The following GRM5 variants were observed in gnomAD, a reference collection of about 807,000 sequenced individuals.
GRM5 encodes metabotropic glutamate receptor 5.
A neutral mutation model predicts 83.1 loss-of-function variants in GRM5; 19 were observed. That is an observed-to-expected ratio of 0.23 (90% CI 0.16 to 0.34). The LOEUF (loss-of-function observed/expected upper bound fraction) is 0.34, where lower values mean the gene tolerates loss of function less well. Ranked by LOEUF, GRM5 falls within the 10% of genes least tolerant of loss-of-function variation. The probability of loss-of-function intolerance (pLI) is 1.00; values close to 1 mark genes in which losing one functional copy is unlikely to be tolerated. For synonymous variants in GRM5, 675 were observed against 633.6 expected (o/e 1.07, Z -0.98); for missense variants, 1,160 against 1,588.3 (o/e 0.73, Z 4.58).
chr11:88,529,708 G>A (rs1941963350), intron 8 of GRM5, among the ~76,000 whole-genome samples: 4 of 151,946 alleles, frequency 2.6e-5, no homozygotes, highest in Admixed American at 2.6e-4. Flanking sequence ...TTATGCATGT[G>A]AGAGATGATA....
At chr11:88,607,465 C>T (rs889429173) in intron 4 of GRM5, among the ~76,000 whole-genome samples, 8 of 152,274 alleles carry the variant, frequency 5.3e-5, no homozygotes, top group African/African-American at 1.9e-4. Context: ...TGGTTGCCTG[C>T]TTTCTCCTTT....
chr11:88,527,093 T>C (rs1232772426), intron 8 of GRM5, among the ~76,000 whole-genome samples: 2 of 152,156 alleles, frequency 1.3e-5, no homozygotes, highest in Admixed American at 6.5e-5. Flanking sequence ...GAAGTACCAA[T>C]GGCCAAATGA....
intron 2 of GRM5, among the ~76,000 whole-genome samples, chr11:88,960,498 A>G (rs552394065): frequency 1.3e-5 from 2 of 152,340 alleles, no homozygotes; most frequent in African/African-American, 2.4e-5. Context: ...ATCCATTGCT[A>G]ACTAAAGTTG....
At chr11:88,789,356 GAAAAAAA>G (rs890088490) in intron 3 of GRM5, among the ~76,000 whole-genome samples, 1 of 145,482 alleles carries the variant, frequency 6.9e-6, no homozygotes, top group African/African-American at 2.5e-5. Context: ...TAAAAGCAAA[GAAAAAAA>G]AGAAAAAAGA....
intron 2 of GRM5, among the ~76,000 whole-genome samples, chr11:88,875,722 G>T (rs112187268): frequency 3.3e-5 from 5 of 152,016 alleles, no homozygotes; most frequent in African/African-American, 1.2e-4. Context: ...GTCTTAGCAG[G>T]CATGAAAACA....
chr11:88,726,056 T>C (rs897748407), intron 3 of GRM5, among the ~76,000 whole-genome samples: 6 of 152,022 alleles, frequency 3.9e-5, no homozygotes, highest in Non-Finnish European at 8.8e-5. Context: ...CTGACAGAAG[T>C]AGGCTTCAGA....
At chr11:88,910,148 T>C (rs1385424602) in intron 2 of GRM5, among the ~76,000 whole-genome samples, 5 of 152,100 alleles carry the variant, frequency 3.3e-5, no homozygotes, top group Non-Finnish European at 4.4e-5. Context: ...TCCAGATATT[T>C]CATATAATTG....
chr11:88,835,739 T>G (rs1049676601), intron 3 of GRM5, among the ~76,000 whole-genome samples: 11 of 152,358 alleles, frequency 7.2e-5, no homozygotes, highest in Middle Eastern at 3.4e-3. Flanking sequence ...TAAAAATAAC[T>G]GTATTAAAAA....
chr11:88,673,891 T>A (rs1242356877), intron 3 of GRM5, among the ~76,000 whole-genome samples: 2 of 4,212 alleles, frequency 4.7e-4, no homozygotes, highest in East Asian at 0.018. Context: ...GACACTATTT[T>A]GAAAAAAAAA....
intron 2 of GRM5, among the ~76,000 whole-genome samples, chr11:88,891,275 A>G (rs1033074049): frequency 2.6e-5 from 4 of 152,142 alleles, no homozygotes; most frequent in African/African-American, 9.7e-5. Flanking sequence ...GTAAAGGCTT[A>G]TGAAAGGTTT....
chr11:88,679,581 A>G lies in GRM5; in HGVS notation c.912-26178T>C, dbSNP rs147672773. Reference sequence around the variant, plus strand: ...GTCTATTTGGATTTTATTGCCTTGTATTACTAGAAAGTTGACTCAAAGTTA... The same window carrying G: ...GTCTATTTGGATTTTATTGCCTTGTGTTACTAGAAAGTTGACTCAAAGTTA... On this transcript the variant is annotated intron_variant, in intron 3 of 9. Coordinates refer to ENST00000305447, the MANE Select transcript of GRM5 (RefSeq NM_001143831.3). Among the ~76,000 whole-genome samples, 940 of 152,148 alleles carry G rather than the reference A, an allele frequency of 6.2e-3. 11 individuals carry two copies. Among genetic ancestry groups the G allele is most frequent in the African/African-American group, 0.022 (900 of 41,510 alleles).
chr11:88,788,046 T>C (rs1300665199), intron 3 of GRM5, among the ~76,000 whole-genome samples: 1 of 152,134 alleles, frequency 6.6e-6, no homozygotes, highest in African/African-American at 2.4e-5. Context: ...GTTTTATAAA[T>C]GTTGCCCTGA....
intron 4 of GRM5, among the ~76,000 whole-genome samples, chr11:88,643,919 A>T (rs1939368735): frequency 6.6e-6 from 1 of 152,188 alleles, no homozygotes; most frequent in African/African-American, 2.4e-5. Context: ...CCCACTTCAA[A>T]TACTAGTGAG....
At chr11:88,824,725 G>A (rs1040213192) in intron 3 of GRM5, among the ~76,000 whole-genome samples, 1 of 152,186 alleles carries the variant, frequency 6.6e-6, no homozygotes, top group Non-Finnish European at 1.5e-5. Flanking sequence ...ACTTCCTGCT[G>A]TGTTGCCTGG....
intron 3 of GRM5, among the ~76,000 whole-genome samples, chr11:88,757,169 C>T (rs150722404): frequency 7.2e-4 from 109 of 152,244 alleles, no homozygotes; most frequent in Middle Eastern, 3.4e-3. Flanking sequence ...AAAAACCGAT[C>T]TGTCAAATGA....
chr11:88,984,965 A>G (rs1939654891), intron 2 of GRM5: 3 of 570,310 alleles, frequency 5.3e-6, no homozygotes, highest in Non-Finnish European at 9.6e-6. Context: ...TTCTAATCAC[A>G]GTATTATGTG....
At chr11:88,840,282 G>C (rs572559788) in intron 3 of GRM5, among the ~76,000 whole-genome samples, 51 of 152,192 alleles carry the variant, frequency 3.4e-4, no homozygotes, top group Non-Finnish European at 6.0e-4. Flanking sequence ...TTGAATAACT[G>C]AAACCCTCCT....
At chr11:88,984,425 A>G (rs1264514061) in intron 2 of GRM5, among the ~76,000 whole-genome samples, 5 of 152,210 alleles carry the variant, frequency 3.3e-5, no homozygotes, top group Non-Finnish European at 7.4e-5. Context: ...CACATAGCAC[A>G]AGTGTAGCGT....
intron 1 of GRM5, among the ~76,000 whole-genome samples, chr11:89,060,266 GTATATA>G (rs71046276): frequency 1.9e-4 from 28 of 146,976 alleles, no homozygotes; most frequent in African/African-American, 6.8e-4. Context: ...ATGGTAAATG[GTATATA>G]TATATATATA....
Sources: gnomAD v4.1 joint callset for allele counts (sites outside exome capture counted in the v4.1 genomes callset) on GRCh38, gnomAD v4.1.1 for gene constraint, MANE v1.5 for transcripts, NCBI Gene and HGNC (gene_info 2026-07-23, HGNC 2026-07-21) for gene names.